Variants in CDH13 observed in about 807,000 individuals in gnomAD.
The protein encoded by CDH13 is cadherin 13, also known as cadherin-13.
A neutral mutation model predicts 63.8 loss-of-function variants in CDH13; 24 were observed. That is an observed-to-expected ratio of 0.38 (90% CI 0.27 to 0.53). CDH13 has a LOEUF of 0.53. Among genes scored for constraint, CDH13 ranks in the 20% least tolerant of loss-of-function variants. CDH13 has a pLI of 0.85. For missense variants in CDH13, 1,049 were observed against 903.1 expected (o/e 1.16, Z -2.07); for synonymous variants, 503 against 355.3 (o/e 1.42, Z -4.67).
At chr16:83,279,842 ATT>A (rs35396123) in intron 5 of CDH13, among the ~76,000 whole-genome samples, 1 of 149,886 alleles carries the variant, frequency 6.7e-6, no homozygotes, top group East Asian at 2.0e-4. Context: ...GAGTCACATG[ATT>A]TTTTTTTTTG....
At chr16:82,769,049 G>T (rs1384256773) in intron 1 of CDH13, among the ~76,000 whole-genome samples, 1 of 152,166 alleles carries the variant, frequency 6.6e-6, no homozygotes, top group African/African-American at 2.4e-5. Context: ...TCATTAGCAG[G>T]ATTCTATTTT....
intron 3 of CDH13, among the ~76,000 whole-genome samples, chr16:83,055,916 A>T (rs2030878049): frequency 6.6e-6 from 1 of 152,190 alleles, no homozygotes; most frequent in Non-Finnish European, 1.5e-5. Flanking sequence ...GTGAAAAGGC[A>T]GGCTATACAG....
intron 6 of CDH13, among the ~76,000 whole-genome samples, chr16:83,349,081 T>A (rs1250751816): frequency 1.3e-5 from 2 of 152,192 alleles, no homozygotes; most frequent in East Asian, 3.9e-4. Context: ...TTCCGGCTGC[T>A]CAGCACTGAA....
intron 1 of CDH13, among the ~76,000 whole-genome samples, chr16:82,631,110 C>T (rs761890355): frequency 2.0e-5 from 3 of 152,184 alleles, no homozygotes; most frequent in Non-Finnish European, 4.4e-5. Context: ...CTTGCTTTCT[C>T]GCTAGCTTTC....
intron 2 of CDH13, among the ~76,000 whole-genome samples, chr16:83,019,850 A>AG (rs1915180572): frequency 6.6e-6 from 1 of 151,726 alleles, no homozygotes; most frequent in Non-Finnish European, 1.5e-5. Context: ...AAAAAAAAAA[A>AG]AAAACAATAA....
intron 8 of CDH13, among the ~76,000 whole-genome samples, chr16:83,633,831 C>T (rs920559761): frequency 6.6e-6 from 1 of 152,112 alleles, no homozygotes; most frequent in East Asian, 1.9e-4. Flanking sequence ...AACAAGGTAT[C>T]CCCCCTCCAA....
intron 1 of CDH13, among the ~76,000 whole-genome samples, chr16:82,821,976 C>A (rs2151096676): frequency 6.6e-6 from 1 of 152,242 alleles, no homozygotes; most frequent in East Asian, 1.9e-4. Flanking sequence ...GACTTTGTTC[C>A]CATCCATAGA....
At chr16:83,019,496 T>G (rs1329197897) in intron 2 of CDH13, among the ~76,000 whole-genome samples, 1 of 97,758 alleles carries the variant, frequency 1.0e-5, no homozygotes, top group Non-Finnish European at 2.3e-5. Context: ...TAACATTTTC[T>G]TTTTTTTTTT....
At chr16:83,716,240 C>A (rs1192149951) in intron 10 of CDH13, among the ~76,000 whole-genome samples, 1 of 152,084 alleles carries the variant, frequency 6.6e-6, no homozygotes, top group Admixed American at 6.5e-5. Context: ...CTGGGACATT[C>A]GTTACAACTA....
chr16:83,125,721 A>T (rs549074790), intron 4 of CDH13, among the ~76,000 whole-genome samples: 6 of 152,350 alleles, frequency 3.9e-5, no homozygotes, highest in Admixed American at 3.9e-4. Context: ...TACGGGATCA[A>T]CATGGTAGAT....
intron 1 of CDH13, among the ~76,000 whole-genome samples, chr16:82,682,058 G>A (rs986714194): frequency 3.3e-5 from 5 of 152,168 alleles, no homozygotes; most frequent in African/African-American, 4.8e-5. Context: ...TAATAACTAC[G>A]GAGTAATAAT....
chr16:82,642,755 T>G (rs376901771), intron 1 of CDH13, among the ~76,000 whole-genome samples: 13 of 152,308 alleles, frequency 8.5e-5, no homozygotes, highest in African/African-American at 3.1e-4. Flanking sequence ...GGTGCTGATT[T>G]TGAACCAGGC....
Position 83,545,772 on chromosome 16 carries a change from G to A in CDH13, c.961-56682G>A, listed in dbSNP as rs112205222. Reference sequence around the variant, plus strand: ...TCATCTGCCCACCCTTTATCTGCCAGGCTAAGTCCAACTCCTACTTCAAGA... The same window carrying A: ...TCATCTGCCCACCCTTTATCTGCCAAGCTAAGTCCAACTCCTACTTCAAGA... On this transcript the variant is annotated intron_variant, in intron 7 of 13. Transcript: ENST00000567109. Among the ~76,000 whole-genome samples the A allele has an allele frequency of 5.3e-5, 8 of 152,192 alleles. 1 individual carries two copies. Among genetic ancestry groups the A allele is most frequent in the African/African-American group, 1.9e-4 (8 of 41,518 alleles).
intron 6 of CDH13, among the ~76,000 whole-genome samples, chr16:83,362,538 C>A (rs933380835): frequency 6.6e-6 from 1 of 152,208 alleles, no homozygotes; most frequent in Admixed American, 6.5e-5. Flanking sequence ...TGAACACTTT[C>A]AAATTCTTTA....
intron 3 of CDH13, among the ~76,000 whole-genome samples, chr16:83,120,685 A>C (rs546900489): frequency 1.3e-5 from 2 of 151,452 alleles, no homozygotes; most frequent in African/African-American, 4.9e-5. Context: ...TATTTTTGCC[A>C]CCCTTAACAA....
At chr16:82,653,538 G>A (rs1326948867) in intron 1 of CDH13, among the ~76,000 whole-genome samples, 1 of 152,174 alleles carries the variant, frequency 6.6e-6, no homozygotes, top group East Asian at 1.9e-4. Flanking sequence ...AGCAGCAGAA[G>A]AAAAGACATG....
intron 1 of CDH13, among the ~76,000 whole-genome samples, chr16:82,810,614 A>G (rs898581336): frequency 5.3e-5 from 8 of 152,154 alleles, no homozygotes; most frequent in Admixed American, 3.3e-4. Flanking sequence ...ATTAGTTAGC[A>G]TCTCTGAAAC....
intron 5 of CDH13, among the ~76,000 whole-genome samples, chr16:83,287,452 G>A (rs2089347048): frequency 6.6e-6 from 1 of 152,100 alleles, no homozygotes; most frequent in Non-Finnish European, 1.5e-5. Flanking sequence ...ACTACTGCCT[G>A]AGCTCCACCT....
chr16:83,108,527 C>T (rs536736209), intron 3 of CDH13, among the ~76,000 whole-genome samples: 1 of 152,328 alleles, frequency 6.6e-6, no homozygotes, highest in East Asian at 1.9e-4. Context: ...AGAGGCCAGG[C>T]TCCTCCCCAC....
Sources: allele counts gnomAD v4.1 joint callset (sites outside exome capture counted in the v4.1 genomes callset), GRCh38; gene constraint gnomAD v4.1.1; transcripts MANE v1.5; gene names NCBI Gene and HGNC (gene_info 2026-07-23, HGNC 2026-07-21).